Variants in TNIP3 observed in about 807,000 individuals in gnomAD.
TNIP3 encodes TNFAIP3 interacting protein 3.
In TNIP3, 34 loss-of-function variants were observed where a neutral mutation model predicts 54.1. The ratio of observed to expected loss-of-function variants is 0.63; its 90% CI spans 0.48 to 0.84. The LOEUF (loss-of-function observed/expected upper bound fraction) is 0.84. Ranked by LOEUF, TNIP3 falls within the 40% of genes least tolerant of loss-of-function variation. The probability of loss-of-function intolerance (pLI) is 0.00; values close to 1 mark genes in which losing one functional copy is unlikely to be tolerated. For missense variants in TNIP3, 366 were observed against 387.6 expected, an observed-to-expected ratio of 0.94 and a Z score of 0.47; for synonymous variants, 134 against 136.8, an observed-to-expected ratio of 0.98 and a Z score of 0.14.
At chr4:121,218,936 A>G (rs933474909), upstream of TNIP3, among the ~76,000 whole-genome samples, 1 of 152,176 alleles carries the variant, frequency 6.6e-6, no homozygotes, top group African/African-American at 2.4e-5. Flanking sequence ...ATGGTGGCTC[A>G]CGCCTGTAAT....
At chr4:121,139,112 T>C (rs888422559) in intron 9 of TNIP3, among the ~76,000 whole-genome samples, 1 of 152,142 alleles carries the variant, frequency 6.6e-6, no homozygotes, top group African/African-American at 2.4e-5. Flanking sequence ...TTTCTAATGG[T>C]TTAAGGAAGA....
intron 3 of TNIP3, 149 bp from the exon 4 acceptor site, chr4:121,157,392 A>T: frequency 3.2e-6 from 3 of 941,604 alleles, no homozygotes; most frequent in Non-Finnish European, 4.8e-6. Context: ...TCCCGAACAC[A>T]GATCGGGATA....
chr4:121,182,765 G>A lies in TNIP3; in HGVS notation c.100C>T (p.Gln34Ter). Residue 34 changes from glutamine to a stop codon, truncating the protein, a stop_gained, in exon 3 of 13, where the codon CAG becomes TAG. Coordinates refer to the TNIP3 transcript ENST00000507879. LOFTEE classifies it high-confidence loss of function. ...GACGCATTTCTCTCAATCAGATCCT[G>A]GATTTTTTTGTCCAGCTCCATGCTT... 1.3e-6 allele frequency: 2 copies of A among 1,534,108 alleles called. No homozygotes were observed. The highest frequency in any genetic ancestry group is 1.7e-6 in the Non-Finnish European group (2 of 1,146,856).
At chr4:121,193,234 A>C (rs1447867257) in intron 2 of TNIP3, among the ~76,000 whole-genome samples, 1 of 152,160 alleles carries the variant, frequency 6.6e-6, no homozygotes, top group Non-Finnish European at 1.5e-5. Context: ...CATTTTTATA[A>C]AAAATTGCAA....
At chr4:121,192,018 C>T (rs1157893280) in intron 2 of TNIP3, among the ~76,000 whole-genome samples, 1 of 152,140 alleles carries the variant, frequency 6.6e-6, no homozygotes, top group Non-Finnish European at 1.5e-5. Flanking sequence ...AATAGAAATG[C>T]ATTACCTTTT....
At chr4:121,179,750 C>T (rs1207555557) in intron 3 of TNIP3, among the ~76,000 whole-genome samples, 1 of 151,862 alleles carries the variant, frequency 6.6e-6, no homozygotes, top group Non-Finnish European at 1.5e-5. Flanking sequence ...TCCAGGATTC[C>T]CCCAAGTTTG....
At chr4:121,173,394 G>A (rs1724099623) in intron 3 of TNIP3, among the ~76,000 whole-genome samples, 1 of 152,134 alleles carries the variant, frequency 6.6e-6, no homozygotes, top group Admixed American at 6.5e-5. Flanking sequence ...GGTCAGAAAA[G>A]AGAAATTCAG....
upstream of TNIP3, among the ~76,000 whole-genome samples, chr4:121,169,050 C>T (rs1019650890): frequency 6.6e-6 from 1 of 152,090 alleles, no homozygotes; most frequent in Non-Finnish European, 1.5e-5. Flanking sequence ...TCCCCCCTCC[C>T]CATTATTAAC....
intron 6 of TNIP3, among the ~76,000 whole-genome samples, chr4:121,149,881 A>G (rs1729642820): frequency 6.6e-6 from 1 of 152,222 alleles, no homozygotes; most frequent in Non-Finnish European, 1.5e-5. Flanking sequence ...TTGGGTAAGC[A>G]TTTAATCTGT....
At chr4:121,158,427 T>C (rs1301638536) in intron 3 of TNIP3, among the ~76,000 whole-genome samples, 1 of 152,218 alleles carries the variant, frequency 6.6e-6, no homozygotes, top group Non-Finnish European at 1.5e-5. Flanking sequence ...CCACGATAAA[T>C]GTGCACAAGA....
At position 121,174,152 on chromosome 4, in the gene TNIP3, G is replaced by T. The variant is rs114466110; in HGVS notation, c.189+8524C>A. On this transcript the variant is annotated intron_variant, in intron 3 of 12. Coordinates refer to the TNIP3 transcript ENST00000507879. ...TGTCCAGATTAGCTTGGATACTTCA[G>T]GTGAAAGAGAACTACCTTCTTCCTG... is the stretch of plus-strand genomic sequence containing the variant. Among the ~76,000 whole-genome samples the T allele has an allele frequency of 5.6e-3, 848 of 152,218 alleles. 12 individuals are homozygous for T. Among genetic ancestry groups the T allele is most frequent in the African/African-American group, 0.02 (811 of 41,532 alleles).
At chr4:121,146,114 A>AT (rs1171508515) in intron 7 of TNIP3, among the ~76,000 whole-genome samples, 1 of 151,908 alleles carries the variant, frequency 6.6e-6, no homozygotes, top group East Asian at 1.9e-4. Flanking sequence ...AAATTATTTG[A>AT]TTTTTTACTA....
intron 2 of TNIP3, among the ~76,000 whole-genome samples, chr4:121,213,682 G>A (rs1265543890): frequency 1.2e-4 from 18 of 149,818 alleles, no homozygotes; most frequent in Admixed American, 1.3e-4. Context: ...AGTCGAGATC[G>A]TGCCACTGCA....
At chr4:121,182,374 AAG>A (rs1218773248) in intron 3 of TNIP3, among the ~76,000 whole-genome samples, 1 of 152,202 alleles carries the variant, frequency 6.6e-6, no homozygotes, top group Non-Finnish European at 1.5e-5. Context: ...CTTCCCAGGA[AAG>A]AGTTGTCCCT....
At chr4:121,200,692 T>G (rs933781949) in intron 2 of TNIP3, among the ~76,000 whole-genome samples, 7 of 152,234 alleles carry the variant, frequency 4.6e-5, no homozygotes, top group Non-Finnish European at 1.0e-4. Context: ...TTACTGCCAG[T>G]AATCAGGCAC....
intron 2 of TNIP3, among the ~76,000 whole-genome samples, chr4:121,214,680 CA>C (rs1478780177): frequency 1.3e-5 from 2 of 152,150 alleles, no homozygotes; most frequent in African/African-American, 4.8e-5. Flanking sequence ...GGATGGGTAT[CA>C]TCTTTCCTAG....
intron 2 of TNIP3, among the ~76,000 whole-genome samples, chr4:121,203,924 T>C (rs1308452825): frequency 6.7e-6 from 1 of 149,018 alleles, no homozygotes; most frequent in African/African-American, 2.4e-5. Flanking sequence ...TATATACTAA[T>C]ACACAAAATA....
intron 4 of TNIP3, among the ~76,000 whole-genome samples, chr4:121,155,658 C>G (rs1458409369): frequency 6.6e-6 from 1 of 152,130 alleles, no homozygotes; most frequent in Non-Finnish European, 1.5e-5. Flanking sequence ...ACAATATCTC[C>G]TACCTCTTAA....
At chr4:121,195,954 A>AATAC (rs1725555132) in intron 2 of TNIP3, among the ~76,000 whole-genome samples, 1 of 152,210 alleles carries the variant, frequency 6.6e-6, no homozygotes, top group Non-Finnish European at 1.5e-5. Context: ...TGCTTGTAGA[A>AATAC]ATACATACAA....
Sources: allele counts gnomAD v4.1 joint callset (sites outside exome capture counted in the v4.1 genomes callset), GRCh38; gene constraint gnomAD v4.1.1; transcripts MANE v1.5; gene names NCBI Gene and HGNC (gene_info 2026-07-23, HGNC 2026-07-21).